MAP3K5: variants seen among roughly 807,000 people sequenced by gnomAD.
The protein encoded by MAP3K5 is ASK-1.
MAP3K5 carries 56 observed loss-of-function variants against 158.7 expected under a neutral mutation model. The ratio of observed to expected loss-of-function variants is 0.35; its 90% confidence interval spans 0.28 to 0.44. The LOEUF is 0.44. Ranked by LOEUF, MAP3K5 falls within the 20% of genes least tolerant of loss-of-function variation. MAP3K5 has a pLI of 1.00. For synonymous variants in MAP3K5, 579 were observed against 601.7 expected (o/e 0.96, Z 0.55); for missense variants, 1,294 against 1,674.8 (o/e 0.77, Z 3.97).
intron 8 of MAP3K5, among the ~76,000 whole-genome samples, chr6:136,659,859 AT>A (rs1778928915): frequency 1.3e-5 from 2 of 152,234 alleles, no homozygotes; most frequent in Admixed American, 1.3e-4. Flanking sequence ...TCAAATGGAA[AT>A]TTTTGTTACG....
chr6:136,602,263 T>C (rs1775910246), intron 19 of MAP3K5, among the ~76,000 whole-genome samples: 6 of 152,198 alleles, frequency 3.9e-5, no homozygotes, highest in Admixed American at 3.9e-4. Flanking sequence ...TAGAACATAT[T>C]GGTACATTGG....
intron 1 of MAP3K5, among the ~76,000 whole-genome samples, chr6:136,730,606 C>CT (rs1161978033): frequency 6.6e-6 from 1 of 151,494 alleles, no homozygotes; most frequent in Non-Finnish European, 1.5e-5. Flanking sequence ...CCTGTAGTCC[C>CT]AGCTACTCAG....
At chr6:136,610,759 GGAAGA>G (rs1234730570) in intron 18 of MAP3K5, among the ~76,000 whole-genome samples, 1 of 151,702 alleles carries the variant, frequency 6.6e-6, no homozygotes, top group Non-Finnish European at 1.5e-5. Context: ...TATAAATACA[GGAAGA>G]GAAAAGGGCC....
intron 23 of MAP3K5, among the ~76,000 whole-genome samples, chr6:136,591,951 A>G (rs1038993742): frequency 1.3e-5 from 2 of 152,246 alleles, no homozygotes; most frequent in African/African-American, 4.8e-5. Flanking sequence ...ACTTAAAAAT[A>G]GCTTATGTTC....
intron 28 of MAP3K5, 29 bp from the exon 29 acceptor site, chr6:136,558,905 G>T (rs759307623): frequency 8.8e-7 from 1 of 1,138,164 alleles, no homozygotes; most frequent in Non-Finnish European, 1.3e-6. Context: ...ATGCACAAAA[G>T]ATGTTTTATA....
chr6:136,633,476 C>A (rs1777475153), intron 14 of MAP3K5, among the ~76,000 whole-genome samples: 1 of 151,620 alleles, frequency 6.6e-6, no homozygotes, highest in South Asian at 2.1e-4. Context: ...ATGAAGTCAT[C>A]TTAGCCCAGC....
rs1784023735 is a variant in MAP3K5, at chr6:136,767,750, G to A, written c.448+23960C>T. 2.0e-5 allele frequency among the ~76,000 whole-genome samples: 3 copies of A among 152,280 alleles called. No individual in the cohort carries two copies. The South Asian group carries it at 6.2e-4, about 32-fold the overall frequency. ...TAGCCTAAACAGTCTTGAAAAAGAA[G>A]AAAGCTGGAGGCCTCACACTTCCTG... On this transcript the variant is annotated intron_variant, in intron 1 of 29. Coordinates refer to ENST00000359015, the MANE Select transcript of MAP3K5 (RefSeq NM_005923.4).
At chr6:136,685,157 A>T (rs1027025985) in intron 7 of MAP3K5, among the ~76,000 whole-genome samples, 1 of 152,036 alleles carries the variant, frequency 6.6e-6, no homozygotes, top group African/African-American at 2.4e-5. Flanking sequence ...TGCAAAAAAA[A>T]AAATACAAAA....
intron 6 of MAP3K5, 138 bp from the exon 7 acceptor site, chr6:136,694,448 C>A: frequency 1.5e-6 from 1 of 658,968 alleles, no homozygotes; most frequent in South Asian, 2.2e-5. Context: ...TTTGAGAGTC[C>A]TCTGTAAACC....
intron 1 of MAP3K5, among the ~76,000 whole-genome samples, chr6:136,787,274 T>C (rs912156653): frequency 6.6e-6 from 1 of 152,216 alleles, no homozygotes; most frequent in South Asian, 2.1e-4. Flanking sequence ...AATCTGATTT[T>C]TGAAGCTGAT....
In MAP3K5 at chr6:136,583,670, C is replaced by T. The variant is rs555462050; in HGVS notation, c.3296G>A (p.Arg1099Lys). 1 of 1,614,194 alleles carries T rather than the reference C, an allele frequency of 6.2e-7. No individual in the cohort carries two copies. Among genetic ancestry groups the T allele is most frequent in the South Asian group, 1.1e-5 (1 of 91,086 alleles). The change falls in exon 24 of 30, where the codon AGA becomes AAA. Residue 1099 changes from arginine (R) to lysine (K), a missense_variant. By Grantham distance (26) the Arg-to-Lys change is conservative (BLOSUM62 2). This residue lies in a region of MAP3K5 where 362 missense variants were observed against 463.2 expected (regional missense o/e 0.78). Coordinates refer to ENST00000359015, the MANE Select transcript of MAP3K5 (RefSeq NM_005923.4). The part of the protein sequence containing the change: ...TLIASLREFV[R>K]STDRKIIATT... The stretch of plus-strand genomic sequence containing the variant: ...GGCTATGATTTTTCGGTCAGTGGAT[C>T]TCACAAATTCTCTGAGGCTTGCAAT...
chr6:136,605,530 A>G (rs1395582928), intron 18 of MAP3K5, among the ~76,000 whole-genome samples, 164 bp from the exon 19 acceptor site: 3 of 152,276 alleles, frequency 2.0e-5, no homozygotes, highest in Admixed American at 2.0e-4. Context: ...TATTAATAAA[A>G]GTGGAAATAG....
intron 1 of MAP3K5, among the ~76,000 whole-genome samples, chr6:136,728,762 T>C (rs1172487149): frequency 6.6e-6 from 1 of 152,206 alleles, no homozygotes; most frequent in Non-Finnish European, 1.5e-5. Context: ...TTTTCTTATT[T>C]GGTGACATTG....
intron 21 of MAP3K5, among the ~76,000 whole-genome samples, chr6:136,595,551 A>G (rs6932836): frequency 0.12 from 18,869 of 152,176 alleles, 2,645 homozygotes; most frequent in African/African-American, 0.33. Context: ...TGGAGTGAAG[A>G]GTGTGAAAAG....
At chr6:136,627,002 G>A (rs1777069533) in intron 14 of MAP3K5, among the ~76,000 whole-genome samples, 1 of 152,144 alleles carries the variant, frequency 6.6e-6, no homozygotes, top group African/African-American at 2.4e-5. Context: ...CTTACAGGGT[G>A]ATTATTAGTT....
At chr6:136,676,397 T>C (rs1415737958) in intron 7 of MAP3K5, among the ~76,000 whole-genome samples, 3 of 152,238 alleles carry the variant, frequency 2.0e-5, no homozygotes, top group African/African-American at 7.2e-5. Flanking sequence ...TACTAGAAAC[T>C]ACATCCTTGG....
At chr6:136,672,143 T>C (rs779298090) in intron 7 of MAP3K5, among the ~76,000 whole-genome samples, 1 of 152,182 alleles carries the variant, frequency 6.6e-6, no homozygotes, top group African/African-American at 2.4e-5. Flanking sequence ...ATTTGTATTG[T>C]GGACAAATAT....
chr6:136,625,983 T>C (rs1777014828), intron 14 of MAP3K5, among the ~76,000 whole-genome samples: 1 of 151,854 alleles, frequency 6.6e-6, no homozygotes, highest in Non-Finnish European at 1.5e-5. Flanking sequence ...CAGCCCTAAA[T>C]AGGAAAAATA....
At chr6:136,724,858 A>G (rs1781900426) in intron 1 of MAP3K5, among the ~76,000 whole-genome samples, 1 of 152,178 alleles carries the variant, frequency 6.6e-6, no homozygotes, top group African/African-American at 2.4e-5. Flanking sequence ...AAATGCGTAC[A>G]TACCACCATA....
Sources: allele counts gnomAD v4.1 joint callset (sites outside exome capture counted in the v4.1 genomes callset), GRCh38; gene constraint gnomAD v4.1.1; regional missense constraint gnomAD v4.1.1; transcripts MANE v1.5; gene names NCBI Gene and HGNC (gene_info 2026-07-23, HGNC 2026-07-21).